The following TLL1 variants were observed in gnomAD, a reference collection of about 807,000 sequenced individuals.
TLL1 encodes tolloid like 1.
In TLL1, 49 loss-of-function variants were observed where a neutral mutation model predicts 128.2. The ratio of observed to expected loss-of-function variants is 0.38; its 90% CI spans 0.30 to 0.48. TLL1 has a LOEUF of 0.48. TLL1 is among the 20% of genes least tolerant of loss of function. The pLI, the probability that TLL1 is intolerant of heterozygous loss-of-function variation, is 0.96. For synonymous variants in TLL1, 454 were observed against 418.8 expected, an observed-to-expected ratio of 1.08 and a Z score of -1.03; for missense variants, 1,123 against 1,242.0, an observed-to-expected ratio of 0.90 and a Z score of 1.44.
chr4:166,049,336 C>T (rs576805194), intron 12 of TLL1, among the ~76,000 whole-genome samples: 161 of 152,254 alleles, frequency 1.1e-3, no homozygotes, highest in Non-Finnish European at 2.0e-3. Flanking sequence ...TATAATATTA[C>T]GGCATTCAAA....
chr4:166,072,601 T>G (rs1327434766), intron 16 of TLL1, among the ~76,000 whole-genome samples: 1 of 151,992 alleles, frequency 6.6e-6, no homozygotes, highest in Non-Finnish European at 1.5e-5. Flanking sequence ...TAACAAATCT[T>G]GAAATTAATT....
chr4:166,079,787 G>A (rs888477519), intron 18 of TLL1, among the ~76,000 whole-genome samples: 10 of 151,962 alleles, frequency 6.6e-5, no homozygotes, highest in Non-Finnish European at 1.5e-5. Context: ...TTACTTATGG[G>A]CTAGATTGTT....
chr4:165,919,958 T>TG (rs1732971542), intron 1 of TLL1: 2 of 401,242 alleles, frequency 5.0e-6, no homozygotes, highest in Non-Finnish European at 9.9e-6. Context: ...CTTCCTAATT[T>TG]GGGGGGCTAA....
At chr4:166,000,519 G>A (rs181548970) in intron 5 of TLL1, among the ~76,000 whole-genome samples, 29 of 152,242 alleles carry the variant, frequency 1.9e-4, no homozygotes, top group Non-Finnish European at 2.8e-4. Flanking sequence ...GGATGTTTTA[G>A]ATGAAATAAA....
At chr4:165,931,030 A>C (rs956797537) in intron 1 of TLL1, among the ~76,000 whole-genome samples, 1 of 152,180 alleles carries the variant, frequency 6.6e-6, no homozygotes, top group African/African-American at 2.4e-5. Context: ...TTTTTTCAGC[A>C]ACCATTTAAA....
At chr4:166,002,618 A>G (rs911362172) in intron 5 of TLL1, among the ~76,000 whole-genome samples, 5 of 151,436 alleles carry the variant, frequency 3.3e-5, no homozygotes, top group Admixed American at 6.6e-5. Flanking sequence ...CTAATTTTTG[A>G]ATTTTTTGTA....
Position 166,065,701 on chromosome 4 carries a change from G to A in TLL1, c.2026G>A (p.Val676Met), listed in dbSNP as rs139737513. Residue 676 changes from valine (V) to methionine (M), a missense_variant, in exon 16 of 21, where the codon GTG (valine) becomes ATG (methionine). Physicochemically the swap from Val to Met is conservative, Grantham distance 21 (BLOSUM62 1). Around this residue, in one of 3 missense-constraint regions of TLL1, gnomAD observed 634 missense variants for 672.4 expected, o/e 0.94. Transcript: ENST00000061240. Reference protein sequence around the residue: ...EGNEVCKYDYVEIWSGLSSES... With the variant: ...EGNEVCKYDYMEIWSGLSSES... ...TTTCTAGGTTTGCAAATATGATTATGTGGAGATCTGGAGTGGTCTTTCCTC... is the reference window on the plus strand; with the variant it reads ...TTTCTAGGTTTGCAAATATGATTATATGGAGATCTGGAGTGGTCTTTCCTC... 17 of 1,612,936 alleles carry A rather than the reference G, an allele frequency of 1.1e-5. No individual in the cohort carries two copies. The South Asian group carries it at 1.9e-4, about 18-fold the overall frequency.
At chr4:165,930,922 G>A (rs2110904966) in intron 1 of TLL1, among the ~76,000 whole-genome samples, 1 of 152,224 alleles carries the variant, frequency 6.6e-6, no homozygotes, top group East Asian at 1.9e-4. Flanking sequence ...GTATGTTATT[G>A]GTTGTGTTAG....
At chr4:165,897,713 C>T (rs1341939633) in intron 1 of TLL1, among the ~76,000 whole-genome samples, 2 of 88,152 alleles carry the variant, frequency 2.3e-5, no homozygotes, top group Admixed American at 1.7e-4. Context: ...GCTATATGGG[C>T]CCTTTTTTGG....
rs1742191015 is a variant in TLL1 at position 166,099,513 on chromosome 4, T to C, written c.2893T>C (p.Phe965Leu). 6.2e-7 allele frequency: 1 copy of C among 1,613,158 alleles called. No homozygotes were observed. Among genetic ancestry groups the C allele is most frequent in the African/African-American group, 1.3e-5 (1 of 74,814 alleles). ...TTCAACAGCTGTGGGGCTTGGTCGA[T>C]TCTGTGGATCCGGGGTAAATATACC... The part of the protein sequence containing the change: ...LDSTAVGLGR[F>L]CGSGPPEEIY... Residue 965 changes from phenylalanine (F) to leucine (L), a missense_variant, in exon 20 of 21, where the codon TTC (phenylalanine) becomes CTC (leucine). Around this residue, in one of 3 missense-constraint regions of TLL1, gnomAD observed 634 missense variants for 672.4 expected, o/e 0.94. Transcript: ENST00000061240.
Position 166,102,345 on chromosome 4 carries a change from T to G in TLL1, c.*1469T>G, listed in dbSNP as rs565965226. 13 of 152,568 alleles carry G rather than the reference T, an allele frequency of 8.5e-5. No individual in the cohort carries two copies. The highest frequency in any genetic ancestry group is 3.1e-4 in the African/African-American group (13 of 41,568). The allele number at this position is 152,568 out of a possible 1,614,324, so 9.5% of individuals were successfully genotyped here. On this transcript the variant is annotated 3_prime_UTR_variant, in exon 21 of 21. Coordinates refer to ENST00000061240, the MANE Select transcript of TLL1 (RefSeq NM_012464.5). ...ATGAATTTTCTGCTTTAAAGGCATG[T>G]GTGTTTTTAAAATTAATGAATGTAG...
chr4:165,941,461 A>G (rs1247360052), intron 1 of TLL1, among the ~76,000 whole-genome samples: 1 of 152,144 alleles, frequency 6.6e-6, no homozygotes, highest in Non-Finnish European at 1.5e-5. Context: ...AAGCCATTAG[A>G]GCATAGTGTA....
rs574719300 is a variant in TLL1, at chr4:166,026,869, A to G, written c.1158+1438A>G. On this transcript the variant is annotated intron_variant, in intron 9 of 20. Transcript: ENST00000061240. The stretch of plus-strand genomic sequence containing the variant: ...AGAGTAAAAGAATCTTTTGAACATT[A>G]TATCAATAACTTAAAAACAATGAGT... Among the ~76,000 whole-genome samples the G allele has an allele frequency of 8.5e-5, 13 of 152,340 alleles. No individual in the cohort carries two copies. The East Asian group carries it at 1.9e-3, about 23-fold the overall frequency.
intron 5 of TLL1, among the ~76,000 whole-genome samples, chr4:166,001,712 A>G (rs995950715): frequency 1.3e-5 from 2 of 151,400 alleles, no homozygotes; most frequent in Non-Finnish European, 2.9e-5. Context: ...CAGGAGAATC[A>G]CTTGAACCTG....
chr4:165,926,552 G>T (rs1021295368), intron 1 of TLL1, among the ~76,000 whole-genome samples: 1 of 152,144 alleles, frequency 6.6e-6, no homozygotes, highest in Non-Finnish European at 1.5e-5. Context: ...AAGGCAGAGG[G>T]GGGAGTCCTC....
chr4:165,941,089 C>T (rs866491220), intron 1 of TLL1, among the ~76,000 whole-genome samples: 1 of 151,908 alleles, frequency 6.6e-6, no homozygotes, highest in Non-Finnish European at 1.5e-5. Context: ...TTCAGGTCTT[C>T]GTAATTGTGT....
chr4:165,939,461 T>C (rs1442917172), intron 1 of TLL1, among the ~76,000 whole-genome samples: 1 of 152,128 alleles, frequency 6.6e-6, no homozygotes, highest in Non-Finnish European at 1.5e-5. Flanking sequence ...CTTTATTCTA[T>C]GTAGCTTAAT....
At chr4:166,075,142 G>C (rs747376038) in intron 17 of TLL1, 139 bp downstream of exon 17, 1 of 1,202,494 alleles carries the variant, frequency 8.3e-7, no homozygotes, top group African/African-American at 1.5e-5. Flanking sequence ...ACAAAATTCT[G>C]TGTAATGTCC....
At chr4:166,043,759 T>G (rs368639747) in intron 12 of TLL1, among the ~76,000 whole-genome samples, 8 of 151,794 alleles carry the variant, frequency 5.3e-5, no homozygotes, top group African/African-American at 1.7e-4. Flanking sequence ...TCTTCTAAAC[T>G]AAGAGATTAA....
Sources: gnomAD v4.1 joint callset for allele counts (sites outside exome capture counted in the v4.1 genomes callset) on GRCh38, gnomAD v4.1.1 for gene constraint, gnomAD v4.1.1 regional missense constraint, MANE v1.5 for transcripts, NCBI Gene and HGNC (gene_info 2026-07-23, HGNC 2026-07-21) for gene names.